The following CEP126 variants were observed in gnomAD, a reference collection of about 807,000 sequenced individuals.
CEP126 encodes centrosomal protein of 126 kDa.
In CEP126, 74 loss-of-function variants were observed where a neutral mutation model predicts 107.8. The ratio of observed to expected loss-of-function variants is 0.69; its 90% confidence interval spans 0.57 to 0.83. The LOEUF (loss-of-function observed/expected upper bound fraction) is 0.83, where lower values mean the gene tolerates loss of function less well. CEP126 is among the 40% of genes least tolerant of loss of function. The pLI is 0.00. For synonymous variants in CEP126, 449 were observed against 446.0 expected (o/e 1.01, Z -0.08); for missense variants, 1,237 against 1,281.9 (o/e 0.96, Z 0.53).
intron 2 of CEP126, among the ~76,000 whole-genome samples, chr11:101,931,404 G>T (rs947149041): frequency 1.3e-5 from 2 of 152,062 alleles, no homozygotes; most frequent in African/African-American, 4.8e-5. Flanking sequence ...TTATGTCTCG[G>T]AAAGCACAGG....
chr11:101,922,877 T>C (rs1940352000), intron 2 of CEP126, 117 bp downstream of exon 2: 2 of 772,514 alleles, frequency 2.6e-6, no homozygotes, highest in African/African-American at 3.5e-5. Flanking sequence ...CTGTGAAACA[T>C]TGATCAAGAT....
intron 4 of CEP126, chr11:101,956,844 A>T (rs1011022466): frequency 5.1e-6 from 2 of 393,250 alleles, no homozygotes; most frequent in South Asian, 3.9e-5. Flanking sequence ...CACCCCTTCA[A>T]TCCTCCTCAT....
rs927759170 is a variant in CEP126 at position 101,999,218 on chromosome 11, T to C, written c.*1575T>C. 6.6e-6 allele frequency: 1 copy of C among 151,978 alleles called. No homozygotes were observed. Among genetic ancestry groups the C allele is most frequent in the Non-Finnish European group, 1.5e-5 (1 of 68,010 alleles). The allele number at this position is 151,978 out of a possible 1,614,324, so 9.4% of individuals were successfully genotyped here. On this transcript the variant is annotated 3_prime_UTR_variant, in exon 11 of 11. Coordinates refer to ENST00000263468, the MANE Select transcript of CEP126 (RefSeq NM_020802.4). ...TTAAGATGTAATTTATAAAATAACA[T>C]TTCAATGGGGGTAAACAGGCCAGAA...
intron 5 of CEP126, among the ~76,000 whole-genome samples, chr11:101,961,167 GTA>G (rs1341799696): frequency 6.6e-6 from 1 of 151,968 alleles, no homozygotes; most frequent in Admixed American, 6.6e-5. Context: ...CCCCATCCAA[GTA>G]TTAAATCAGC....
chr11:101,942,009 G>A (rs904421035), intron 2 of CEP126, among the ~76,000 whole-genome samples: 1 of 151,858 alleles, frequency 6.6e-6, no homozygotes, highest in Non-Finnish European at 1.5e-5. Context: ...TTTTTGATGT[G>A]GAGTTGTTGG....
intron 5 of CEP126, among the ~76,000 whole-genome samples, chr11:101,960,371 A>G (rs1940955434): frequency 6.6e-6 from 1 of 152,232 alleles, no homozygotes; most frequent in Middle Eastern, 3.2e-3. Context: ...ACTTATATCT[A>G]GAAGGATCTT....
At chr11:101,932,138 C>T (rs2137086308) in intron 2 of CEP126, among the ~76,000 whole-genome samples, 1 of 152,286 alleles carries the variant, frequency 6.6e-6, no homozygotes, top group South Asian at 2.1e-4. Flanking sequence ...TTGCCATTTC[C>T]TTCTATTCTC....
chr11:101,993,735 A>C (rs949516966), intron 10 of CEP126, among the ~76,000 whole-genome samples: 1 of 152,126 alleles, frequency 6.6e-6, no homozygotes, highest in African/African-American at 2.4e-5. Flanking sequence ...TGACTTTTTA[A>C]TAATAGCCAT....
At chr11:101,989,241 T>C (rs939327554) in intron 9 of CEP126, among the ~76,000 whole-genome samples, 99 of 152,318 alleles carry the variant, frequency 6.5e-4, no homozygotes, top group African/African-American at 2.1e-3. Flanking sequence ...TAATTATTTA[T>C]ATATGAACAA....
intron 2 of CEP126, among the ~76,000 whole-genome samples, chr11:101,923,244 A>G (rs1444450187): frequency 6.6e-6 from 1 of 152,196 alleles, no homozygotes; most frequent in Non-Finnish European, 1.5e-5. Context: ...AATATGAATA[A>G]TGGTAGCAAT....
chr11:101,958,472 G>A, intron 5 of CEP126, 106 bp downstream of exon 5: 1 of 859,210 alleles, frequency 1.2e-6, no homozygotes, highest in Non-Finnish European at 1.8e-6. Flanking sequence ...CTGAGAGCAG[G>A]CCATGAAAGA....
chr11:101,958,704 C>G (rs1940933067), intron 5 of CEP126, among the ~76,000 whole-genome samples: 1 of 152,116 alleles, frequency 6.6e-6, no homozygotes, highest in Non-Finnish European at 1.5e-5. Flanking sequence ...AGGGCATATA[C>G]TTTATTTTTT....
intron 6 of CEP126, among the ~76,000 whole-genome samples, chr11:101,975,398 T>C (rs180818707): frequency 1.1e-4 from 17 of 152,284 alleles, no homozygotes. Context: ...GCAAAATATA[T>C]TTATTTCTGT....
At position 101,962,509 on chromosome 11, in the gene CEP126, G is replaced by A; in HGVS notation, c.1474G>A (p.Asp492Asn). The part of the protein sequence containing the change: ...IKEIDAVQCS[D>N]KLDELKDGKE... ...AGAAATTGATGCAGTGCAGTGTTCT[G>A]ATAAGTTAGATGAATTGAAAGATGG... The change falls in exon 6 of 11, where the codon GAT (aspartate) becomes AAT (asparagine). Residue 492 changes from aspartate to asparagine, a missense_variant. Physicochemically the swap from Asp to Asn is conservative, Grantham distance 23. This residue lies in a region of CEP126 where 1,134 missense variants were observed against 1,150.5 expected (regional missense o/e 0.99). Coordinates refer to ENST00000263468, the MANE Select transcript of CEP126 (RefSeq NM_020802.4). The A allele has an allele frequency of 4.3e-6, 7 of 1,613,258 alleles. No homozygotes were observed. The highest frequency in any genetic ancestry group is 5.9e-6 in the Non-Finnish European group (7 of 1,179,696).
chr11:101,950,083 T>A (rs1940790080), intron 4 of CEP126, among the ~76,000 whole-genome samples: 1 of 152,070 alleles, frequency 6.6e-6, no homozygotes, highest in Non-Finnish European at 1.5e-5. Context: ...TAGAGAAATG[T>A]GGTAATGAAT....
intron 2 of CEP126, among the ~76,000 whole-genome samples, chr11:101,932,188 G>A (rs1940510359): frequency 1.3e-5 from 2 of 152,026 alleles, no homozygotes; most frequent in Non-Finnish European, 2.9e-5. Flanking sequence ...AATATAAAAG[G>A]AACTCTGTAA....
chr11:101,969,816 T>C lies in CEP126; in HGVS notation c.2845+5936T>C, dbSNP rs1196820645. 2.6e-5 allele frequency among the ~76,000 whole-genome samples: 4 copies of C among 152,220 alleles called. No individual in the cohort carries two copies. The East Asian group carries it at 7.7e-4, about 29-fold the overall frequency. On this transcript the variant is annotated intron_variant, in intron 6 of 10. Coordinates refer to ENST00000263468, the MANE Select transcript of CEP126 (RefSeq NM_020802.4). ...CCTACATATTTAAACACTTGATTTT[T>C]GGCAAAGGTGGCACTGTATAGCAGG...
chr11:101,987,261 C>G (rs1285476829), intron 9 of CEP126, among the ~76,000 whole-genome samples: 1 of 152,092 alleles, frequency 6.6e-6, no homozygotes. Context: ...TCTGTCTTTT[C>G]AGAATATATG....
intron 9 of CEP126, among the ~76,000 whole-genome samples, chr11:101,989,301 T>TTGAGCTCAAAAA (rs1173256729): frequency 6.6e-6 from 1 of 152,134 alleles, no homozygotes; most frequent in Non-Finnish European, 1.5e-5. Context: ...CTTAACACCG[T>TTGAGCTCAAAAA]TGACATTTTG....
Sources: allele counts gnomAD v4.1 joint callset (sites outside exome capture counted in the v4.1 genomes callset), GRCh38; gene constraint gnomAD v4.1.1; regional missense constraint gnomAD v4.1.1; transcripts MANE v1.5; gene names NCBI Gene and HGNC (gene_info 2026-07-23, HGNC 2026-07-21).